Variants in TSPAN18 observed in about 807,000 individuals in gnomAD.
TSPAN18 encodes tetraspanin-18.
TSPAN18 carries 14 observed loss-of-function variants against 27.3 expected under a neutral mutation model. That is an observed-to-expected ratio of 0.51 (90% CI 0.34 to 0.80). TSPAN18 has a LOEUF of 0.80. Among genes scored for constraint, TSPAN18 ranks in the 30% least tolerant of loss-of-function variants. The probability of loss-of-function intolerance (pLI) is 0.01; values close to 1 mark genes in which losing one functional copy is unlikely to be tolerated. For missense variants in TSPAN18, 268 were observed against 323.9 expected, an observed-to-expected ratio of 0.83 and a Z score of 1.32; for synonymous variants, 143 against 136.5, an observed-to-expected ratio of 1.05 and a Z score of -0.33.
intron 5 of TSPAN18, among the ~76,000 whole-genome samples, chr11:44,913,253 A>G (rs1472805228): frequency 6.6e-6 from 1 of 152,200 alleles, no homozygotes; most frequent in African/African-American, 2.4e-5. Context: ...AGGCCTTGAG[A>G]TGGGGCTGAC....
chr11:44,843,889 G>A lies in TSPAN18; in HGVS notation c.-152-16439G>A, dbSNP rs185472621. On this transcript the variant is annotated intron_variant, in intron 2 of 9. Transcript: ENST00000520358. Reference sequence around the variant, plus strand: ...CCTGTTCTTTTTTCAGGGTGCCCACGTTTCATATTGCTCAAACACACATGC... The same window carrying A: ...CCTGTTCTTTTTTCAGGGTGCCCACATTTCATATTGCTCAAACACACATGC... Among the ~76,000 whole-genome samples, 732 of 152,188 alleles carry A rather than the reference G, an allele frequency of 4.8e-3. 1 individual carries two copies. Among genetic ancestry groups the A allele is most frequent in the Non-Finnish European group, 8.6e-3 (585 of 68,034 alleles).
intron 1 of TSPAN18, among the ~76,000 whole-genome samples, chr11:44,738,366 C>G (rs1025672649): frequency 2.0e-5 from 3 of 152,122 alleles, no homozygotes; most frequent in Non-Finnish European, 4.4e-5. Flanking sequence ...TGGCTGGAGC[C>G]CCCCCGGCTG....
chr11:44,931,976 TCTGAAGC>T lies in TSPAN18; in HGVS notation c.*2799_*2805del, dbSNP rs1415353519. The T allele has an allele frequency of 6.6e-6, 1 of 152,230 alleles. No homozygotes were observed. The highest frequency in any genetic ancestry group is 1.5e-5 in the Non-Finnish European group (1 of 68,058). The allele number at this position is 152,230 out of a possible 1,614,324, so 9.4% of individuals were successfully genotyped here. A position where few individuals can be genotyped will look rare whatever the true frequency, so the allele number is the denominator to read the frequency against. On this transcript the variant is annotated 3_prime_UTR_variant, in exon 10 of 10. Coordinates refer to ENST00000520358, the MANE Select transcript of TSPAN18 (RefSeq NM_130783.5). ...CCTGTATCGAAAGCCACTTTCCTGC[TCTGAAGC>T]TACTGCCTCTTAGAGAAAGGGAATA...
intron 1 of TSPAN18, among the ~76,000 whole-genome samples, chr11:44,760,459 G>A (rs754420811): frequency 1.3e-5 from 2 of 152,226 alleles, no homozygotes; most frequent in Admixed American, 1.3e-4. Context: ...GGTTTTGGTT[G>A]CACAGGGATG....
chr11:44,790,576 ATG>A (rs775823069), intron 2 of TSPAN18, among the ~76,000 whole-genome samples: 16 of 102,026 alleles, frequency 1.6e-4, no homozygotes, highest in Non-Finnish European at 3.1e-4. Flanking sequence ...GTGTGTGTGC[ATG>A]TGTGTGCATG....
chr11:44,841,783 C>T (rs1323480121), intron 2 of TSPAN18, among the ~76,000 whole-genome samples: 3 of 152,052 alleles, frequency 2.0e-5, no homozygotes, highest in Non-Finnish European at 2.9e-5. Flanking sequence ...TGGCTGGGGC[C>T]CAGTGAGAGA....
intron 3 of TSPAN18, among the ~76,000 whole-genome samples, chr11:44,865,161 C>T (rs1391460262): frequency 6.6e-6 from 1 of 152,166 alleles, no homozygotes; most frequent in Admixed American, 6.5e-5. Flanking sequence ...GATTAAGTTT[C>T]TCAGTTTGAT....
intron 2 of TSPAN18, among the ~76,000 whole-genome samples, chr11:44,781,083 C>A (rs939123805): frequency 6.6e-6 from 1 of 152,214 alleles, no homozygotes; most frequent in Non-Finnish European, 1.5e-5. Context: ...CTGCAGAGGG[C>A]CGGAGGAGCA....
intron 3 of TSPAN18, among the ~76,000 whole-genome samples, chr11:44,864,492 G>A (rs1259049817): frequency 2.0e-5 from 3 of 152,082 alleles, no homozygotes; most frequent in Non-Finnish European, 4.4e-5. Context: ...CCCTGCTCTC[G>A]GCAGCTCAGG....
At chr11:44,739,597 C>T (rs2134817662) in intron 1 of TSPAN18, among the ~76,000 whole-genome samples, 1 of 152,332 alleles carries the variant, frequency 6.6e-6, no homozygotes, top group African/African-American at 2.4e-5. Context: ...GCATTCCAGC[C>T]TGGGCCACAG....
chr11:44,824,559 G>A (rs1185542830), intron 2 of TSPAN18, among the ~76,000 whole-genome samples: 1 of 152,232 alleles, frequency 6.6e-6, no homozygotes, highest in Non-Finnish European at 1.5e-5. Context: ...TCCAAACAAA[G>A]CTGGGGCCTT....
intron 3 of TSPAN18, among the ~76,000 whole-genome samples, chr11:44,887,718 G>T (rs1300566907): frequency 6.6e-6 from 1 of 151,990 alleles, no homozygotes; most frequent in Admixed American, 6.6e-5. Flanking sequence ...GCTTTATCCT[G>T]TCTGACACTA....
intron 1 of TSPAN18, among the ~76,000 whole-genome samples, chr11:44,732,493 C>T (rs1854687094): frequency 6.6e-6 from 1 of 152,178 alleles, no homozygotes; most frequent in Non-Finnish European, 1.5e-5. Flanking sequence ...ATCAAAACCT[C>T]CTGTGAGCCG....
intron 3 of TSPAN18, among the ~76,000 whole-genome samples, chr11:44,884,357 C>T (rs533561004): frequency 7.4e-4 from 113 of 152,324 alleles, no homozygotes; most frequent in African/African-American, 2.6e-3. Context: ...TTGCCTGGTC[C>T]TCTGGCAACC....
chr11:44,760,789 T>G (rs1855436650), intron 1 of TSPAN18, among the ~76,000 whole-genome samples: 1 of 152,220 alleles, frequency 6.6e-6, no homozygotes, highest in South Asian at 2.1e-4. Flanking sequence ...TTTTGCAGAT[T>G]CTAAGGCACA....
At position 44,834,848 on chromosome 11, in the gene TSPAN18, T is replaced by C. The variant is rs567719567; in HGVS notation, c.-152-25480T>C. ...TTGTGAACAGAAGATATATTAAGGA[T>C]GATTTCCCAGAAGAAGCCTAAGGGG... On this transcript the variant is annotated intron_variant, in intron 2 of 9. Coordinates refer to ENST00000520358, the MANE Select transcript of TSPAN18 (RefSeq NM_130783.5). 2.6e-5 allele frequency among the ~76,000 whole-genome samples: 4 copies of C among 152,060 alleles called. No homozygotes were observed. The South Asian group carries it at 8.3e-4, about 32-fold the overall frequency.
chr11:44,897,649 AGT>A, intron 3 of TSPAN18: 1 of 643,666 alleles, frequency 1.6e-6, no homozygotes, highest in Non-Finnish European at 2.4e-6. Flanking sequence ...AGTTGCCCCG[AGT>A]GTGTGTATCT....
At position 44,930,838 on chromosome 11, in the gene TSPAN18, TCTCTCCC is replaced by T. The variant is rs748707429; in HGVS notation, c.*1665_*1671del. 4 of 499,914 alleles carry T rather than the reference TCTCTCCC, an allele frequency of 8.0e-6. No individual in the cohort carries two copies. Among genetic ancestry groups the T allele is most frequent in the Non-Finnish European group, 1.6e-5 (4 of 242,724 alleles). 31.0% of individuals were successfully genotyped at this position (499,914 alleles called of 1,614,324 possible). A position where few individuals can be genotyped will look rare whatever the true frequency, so the allele number is the denominator to read the frequency against. ...AGGAGCAGTGTGATGTCTGCTCTCT[TCTCTCCC>T]CTCTGTCCCTCTTCAGGAAGAAAGA... On this transcript the variant is annotated 3_prime_UTR_variant, in exon 10 of 10. Transcript: ENST00000520358.
At chr11:44,895,789 A>T (rs2135295480) in intron 3 of TSPAN18, among the ~76,000 whole-genome samples, 1 of 152,258 alleles carries the variant, frequency 6.6e-6, no homozygotes, top group South Asian at 2.1e-4. Flanking sequence ...CCAGACGGAG[A>T]TGAGGCAGGG....
Sources: gnomAD v4.1 joint callset for allele counts (sites outside exome capture counted in the v4.1 genomes callset) on GRCh38, gnomAD v4.1.1 for gene constraint, MANE v1.5 for transcripts, NCBI Gene and HGNC (gene_info 2026-07-23, HGNC 2026-07-21) for gene names.